STK3: variants seen among roughly 807,000 people sequenced by gnomAD.
STK3 encodes serine/threonine kinase 3, also known as serine/threonine-protein kinase 3.
Under a neutral mutation model 58.0 loss-of-function variants are expected in STK3, and 41 were observed. That is an observed-to-expected ratio of 0.71 (90% CI 0.55 to 0.92). STK3 has a LOEUF of 0.92. Among genes scored for constraint, STK3 ranks in the 40% least tolerant of loss-of-function variants. The pLI is 0.00. For synonymous variants in STK3, 170 were observed against 191.0 expected (o/e 0.89, Z 0.91); for missense variants, 479 against 602.7 (o/e 0.79, Z 2.15).
intron 10 of STK3, among the ~76,000 whole-genome samples, chr8:98,502,554 G>GCT (rs1823694483): frequency 6.6e-6 from 1 of 151,416 alleles, no homozygotes; most frequent in Admixed American, 6.6e-5. Context: ...GTCATAAATA[G>GCT]CTTATTATTT....
intron 9 of STK3, among the ~76,000 whole-genome samples, chr8:98,545,058 C>T (rs560179823): frequency 6.6e-6 from 1 of 152,260 alleles, no homozygotes; most frequent in African/African-American, 2.4e-5. Flanking sequence ...CCCAGAGTCA[C>T]CCATGATGAA....
intron 10 of STK3, among the ~76,000 whole-genome samples, chr8:98,515,938 A>G (rs1824900152): frequency 6.6e-6 from 1 of 152,100 alleles, no homozygotes; most frequent in South Asian, 2.1e-4. Context: ...AGTGCTTTAA[A>G]AAGTACTCAC....
chr8:98,563,235 C>T (rs1409398018), intron 8 of STK3, among the ~76,000 whole-genome samples: 1 of 152,036 alleles, frequency 6.6e-6, no homozygotes, highest in African/African-American at 2.4e-5. Flanking sequence ...TACATGTATA[C>T]TGGAGTTGAG....
rs553812461 is a variant in STK3, at chr8:98,405,523, G to A, written n.484-4010C>T. On this transcript the variant is annotated intron_variant and non_coding_transcript_variant, in intron 3 of 3. Transcript: ENST00000517832. The stretch of plus-strand genomic sequence containing the variant: ...GGAACTCAATCACTGTGCGTGGAAT[G>A]TAACTTAATTGGAAGGATGCCCTCC... Among the ~76,000 whole-genome samples the A allele has an allele frequency of 7.6e-4, 115 of 152,256 alleles. 1 individual carries two copies. Among genetic ancestry groups the A allele is most frequent in the Admixed American group, 7.4e-3 (113 of 15,296 alleles).
At chr8:98,836,072 G>T (rs887441806) in intron 3 of STK3, among the ~76,000 whole-genome samples, 1 of 151,988 alleles carries the variant, frequency 6.6e-6, no homozygotes, top group Non-Finnish European at 1.5e-5. Flanking sequence ...GCAGTGGTGG[G>T]CGCCTGTAAT....
At chr8:98,346,241 C>A in the STK3 span, among the ~76,000 whole-genome samples, 1 of 149,108 alleles carries the variant, frequency 6.7e-6, no homozygotes, top group African/African-American at 2.5e-5. Flanking sequence ...GCTGAGATCA[C>A]GCCATTGCAC....
At chr8:98,403,250 G>A (rs952059936) in intron 3 of STK3, among the ~76,000 whole-genome samples, 2 of 152,196 alleles carry the variant, frequency 1.3e-5, no homozygotes, top group African/African-American at 4.8e-5. Flanking sequence ...CCAGACTTGA[G>A]TTCTGGCTGC....
At chr8:98,493,636 T>C (rs1437452464) in intron 10 of STK3, among the ~76,000 whole-genome samples, 1 of 152,162 alleles carries the variant, frequency 6.6e-6, no homozygotes, top group Non-Finnish European at 1.5e-5. Context: ...CAGTCTAATA[T>C]TATTCTCCCT....
intron 6 of STK3, among the ~76,000 whole-genome samples, chr8:98,689,794 T>G (rs1464682135): frequency 1.3e-5 from 2 of 151,740 alleles, no homozygotes; most frequent in Non-Finnish European, 2.9e-5. Flanking sequence ...AAAAAAAAAT[T>G]TATATATATG....
chr8:98,767,223 G>C lies in STK3; in HGVS notation c.236+20C>G. On this transcript the variant is annotated intron_variant, in intron 3 of 10. Coordinates refer to ENST00000419617, the MANE Select transcript of STK3 (RefSeq NM_006281.4). ...ACTCGTCAAAACAAGGGTAAGCAAA[G>C]AAATAAAATCTCTTCATACCTGTCA... 1 of 1,566,336 alleles carries C rather than the reference G, an allele frequency of 6.4e-7. No homozygotes were observed. Among genetic ancestry groups the C allele is most frequent in the Non-Finnish European group, 8.6e-7 (1 of 1,161,548 alleles).
chr8:98,868,869 C>T (rs1387351858), intron 3 of STK3, among the ~76,000 whole-genome samples: 2 of 151,732 alleles, frequency 1.3e-5, no homozygotes, highest in African/African-American at 4.8e-5. Flanking sequence ...CCCAGCTACT[C>T]GAGAGGCTGA....
intron 3 of STK3, among the ~76,000 whole-genome samples, chr8:98,838,126 C>A (rs559168137): frequency 6.8e-6 from 1 of 147,054 alleles, no homozygotes; most frequent in Non-Finnish European, 1.5e-5. Context: ...ACCTTTAGTA[C>A]GAGCTACTCG....
At chr8:98,421,306 C>T (rs1211722484) in intron 3 of STK3, among the ~76,000 whole-genome samples, 1 of 152,202 alleles carries the variant, frequency 6.6e-6, no homozygotes, top group African/African-American at 2.4e-5. Context: ...GCCTCAACTT[C>T]TGCACAGTGG....
At chr8:98,419,535 G>A (rs1401527816) in intron 3 of STK3, among the ~76,000 whole-genome samples, 2 of 152,212 alleles carry the variant, frequency 1.3e-5, no homozygotes, top group African/African-American at 4.8e-5. Flanking sequence ...TGAAGACTAA[G>A]AGAACATTTC....
exon 3 of STK3, chr8:98,371,566 T>C (rs1817611152): frequency 6.6e-6 from 1 of 152,250 alleles, no homozygotes; most frequent in East Asian, 1.9e-4. Context: ...AGCAGGAATG[T>C]CACTCTGATA....
chr8:98,813,784 C>G (rs117009279), intron 1 of STK3, among the ~76,000 whole-genome samples: 1 of 152,112 alleles, frequency 6.6e-6, no homozygotes, highest in Non-Finnish European at 1.5e-5. Flanking sequence ...TTATTACATT[C>G]GCTTTCTTAA....
At chr8:98,564,652 A>G (rs562962849) in intron 8 of STK3, among the ~76,000 whole-genome samples, 1 of 152,322 alleles carries the variant, frequency 6.6e-6, no homozygotes, top group African/African-American at 2.4e-5. Flanking sequence ...TGATAAATGC[A>G]TGAGGTGATG....
At chr8:98,931,167 G>C (rs551807778) in intron 1 of STK3, among the ~76,000 whole-genome samples, 1 of 152,320 alleles carries the variant, frequency 6.6e-6, no homozygotes, top group African/African-American at 2.4e-5. Flanking sequence ...CAAGGAGATA[G>C]TGCAGTGGCC....
At chr8:98,818,589 A>T (rs1372208015) in intron 1 of STK3, among the ~76,000 whole-genome samples, 3 of 152,012 alleles carry the variant, frequency 2.0e-5, no homozygotes, top group African/African-American at 7.2e-5. Flanking sequence ...GATAGCAGAA[A>T]CATCTGAAAA....
Sources: gnomAD v4.1 joint callset for allele counts (sites outside exome capture counted in the v4.1 genomes callset) on GRCh38, gnomAD v4.1.1 for gene constraint, MANE v1.5 for transcripts, NCBI Gene and HGNC (gene_info 2026-07-23, HGNC 2026-07-21) for gene names.